The following PCLAF variants were observed in gnomAD, a reference collection of about 807,000 sequenced individuals.
PCLAF encodes PCNA clamp associated factor, also known as PCNA-associated factor.
In PCLAF, 12 loss-of-function variants were observed where a neutral mutation model predicts 15.1. The ratio of observed to expected loss-of-function variants is 0.79; its 90% CI spans 0.51 to 1.29. The LOEUF (loss-of-function observed/expected upper bound fraction) is 1.29. Among genes scored for constraint, PCLAF ranks in the 50% most tolerant of loss-of-function variants. The pLI is 0.00. For synonymous variants in PCLAF, 33 were observed against 47.1 expected (o/e 0.70, Z 1.22); for missense variants, 116 against 130.9 (o/e 0.89, Z 0.56).
At chr15:64,375,213 CT>C (rs1899559218) in intron 3 of PCLAF, among the ~76,000 whole-genome samples, 1 of 152,136 alleles carries the variant, frequency 6.6e-6, no homozygotes, top group South Asian at 2.1e-4. Flanking sequence ...CAACCAACAC[CT>C]TTCAGGTTCA....
intron 3 of PCLAF, among the ~76,000 whole-genome samples, chr15:64,372,724 A>C (rs1319444077): frequency 6.6e-6 from 1 of 151,986 alleles, no homozygotes; most frequent in African/African-American, 2.4e-5. Flanking sequence ...CTGTAATCCC[A>C]GCACTTTGGG....
rs185443113 is a variant in PCLAF at position 64,372,470 on chromosome 15, C to T, written c.290+4273G>A. 5.3e-3 allele frequency among the ~76,000 whole-genome samples: 793 copies of T among 150,790 alleles called. 2 individuals are homozygous for T. Among genetic ancestry groups the T allele is most frequent in the African/African-American group, 5.7e-3 (236 of 41,102 alleles). On this transcript the variant is annotated intron_variant, in intron 3 of 3. Coordinates refer to ENST00000300035, the MANE Select transcript of PCLAF (RefSeq NM_014736.6). ...TCTACTAAAAATACAAAAAATTAGC[C>T]GGGCGTGGCGGCGTGCGCCTGTAGT...
intron 3 of PCLAF, among the ~76,000 whole-genome samples, chr15:64,367,399 A>G (rs1391666833): frequency 6.6e-6 from 1 of 151,460 alleles, no homozygotes; most frequent in Non-Finnish European, 1.5e-5. Flanking sequence ...GCTACTTGGG[A>G]GGCTCAGCCA....
intron 3 of PCLAF, among the ~76,000 whole-genome samples, chr15:64,375,016 C>G (rs1305462064): frequency 1.3e-5 from 2 of 152,068 alleles, no homozygotes; most frequent in African/African-American, 2.4e-5. Flanking sequence ...TACGTACTTA[C>G]AGAGAAGTTG....
chr15:64,387,339 G>A, intron 1 of PCLAF: 2 of 541,130 alleles, frequency 3.7e-6, no homozygotes, highest in Non-Finnish European at 5.0e-6. Flanking sequence ...CCGAGATCAT[G>A]CCACTGCACT....
At chr15:64,378,194 G>C (rs932255759) in intron 2 of PCLAF, among the ~76,000 whole-genome samples, 4 of 152,022 alleles carry the variant, frequency 2.6e-5, no homozygotes, top group Non-Finnish European at 5.9e-5. Context: ...CCAAAGTGCT[G>C]GGATTACAAG....
At chr15:64,379,836 A>G (rs1375696063) in intron 2 of PCLAF, among the ~76,000 whole-genome samples, 1 of 152,020 alleles carries the variant, frequency 6.6e-6, no homozygotes, top group Admixed American at 6.6e-5. Context: ...TTTCACTCCT[A>G]CTCTCCCAAA....
rs1899967711 is a variant in PCLAF at position 64,387,325 on chromosome 15, T to C, written n.241+122A>G. On this transcript the variant is annotated intron_variant and non_coding_transcript_variant, in intron 1 of 1. Transcript: ENST00000558250. ...TGAACCCGGGAGGCGGAGCTTGCAG[T>C]GAGCCGAGATCATGCCACTGCACTC... 4 of 436,068 alleles carry C rather than the reference T, an allele frequency of 9.2e-6. No homozygotes were observed. In the South Asian group the frequency reaches 2.2e-4, roughly 24 times the overall value. The allele number at this position is 436,068 out of a possible 1,614,324, so 27.0% of individuals were successfully genotyped here. A position where few individuals can be genotyped will look rare whatever the true frequency, so the allele number is the denominator to read the frequency against.
intron 3 of PCLAF, among the ~76,000 whole-genome samples, chr15:64,374,372 A>C (rs191871727): frequency 6.6e-6 from 1 of 151,550 alleles, no homozygotes; most frequent in African/African-American, 2.4e-5. Context: ...TCCCATCTCT[A>C]CTAAAAATAC....
At chr15:64,368,062 C>T (rs1899119972) in intron 3 of PCLAF, among the ~76,000 whole-genome samples, 1 of 151,864 alleles carries the variant, frequency 6.6e-6, no homozygotes, top group African/African-American at 2.4e-5. Flanking sequence ...TTATCGTTGG[C>T]CCGGCGCGGT....
chr15:64,369,025 T>C (rs72758931), intron 3 of PCLAF, among the ~76,000 whole-genome samples: 6,788 of 152,246 alleles, frequency 0.045, 195 homozygotes, highest in South Asian at 0.085. Context: ...AAGAAATTTA[T>C]TGGATCAGGA....
rs1346291561 is a variant in PCLAF at position 64,365,479 on chromosome 15, T to G, written c.*551A>C. On this transcript the variant is annotated 3_prime_UTR_variant, in exon 4 of 4. Coordinates refer to ENST00000300035, the MANE Select transcript of PCLAF (RefSeq NM_014736.6). ...GAGGCATTATCAACCGTTTAAACCC[T>G]CAAGACCAAATTATCTTTACATTTT... The G allele has an allele frequency of 6.4e-6, 1 of 155,366 alleles. No individual in the cohort carries two copies. The allele number at this position is 155,366 out of a possible 1,614,324, so 9.6% of individuals were successfully genotyped here. A position where few individuals can be genotyped will look rare whatever the true frequency, so the allele number is the denominator to read the frequency against.
At position 64,380,251 on chromosome 15, in the gene PCLAF, C is replaced by T. The variant is rs371772173; in HGVS notation, c.127+707G>A. 5.7e-4 allele frequency among the ~76,000 whole-genome samples: 86 copies of T among 151,940 alleles called. 1 individual carries two copies. The South Asian group carries it at 0.016, about 29-fold the overall frequency. On this transcript the variant is annotated intron_variant, in intron 2 of 3. Transcript: ENST00000300035. ...CAAAAAAATTAGCTGGGTGTGGTGG[C>T]GTGCACCTGTAATCCCAGCTACTCA...
chr15:64,377,052 G>A (rs1596325899), intron 2 of PCLAF, 147 bp from the exon 3 acceptor site: 1 of 638,382 alleles, frequency 1.6e-6, no homozygotes, highest in Non-Finnish European at 2.6e-6. Flanking sequence ...ATTAGAAAAT[G>A]TGACACAATA....
At chr15:64,387,513 C>T (rs955673848) in exon 1 of PCLAF, 2 of 1,304,820 alleles carry the variant, frequency 1.5e-6, no homozygotes, top group Non-Finnish European at 2.0e-6. Context: ...AAAAGCTGGC[C>T]TCTCAGCTTT....
At chr15:64,373,813 T>C in intron 3 of PCLAF, 8 of 1,524,694 alleles carry the variant, frequency 5.2e-6, no homozygotes, top group Non-Finnish European at 5.3e-6. Context: ...AGGGGCATCA[T>C]AATGGCAGTG....
chr15:64,382,775 G>C (rs555511845), upstream of PCLAF: 92 of 212,918 alleles, frequency 4.3e-4, 1 homozygote, highest in African/African-American at 2.0e-3. Context: ...AGGAGTTCGA[G>C]ACCAGCGTGG....
intron 3 of PCLAF, chr15:64,373,286 T>C (rs1175975887): frequency 6.3e-6 from 1 of 158,272 alleles, no homozygotes; most frequent in Non-Finnish European, 1.4e-5. Flanking sequence ...ACAGATTTAA[T>C]ATTGGCATTT....
chr15:64,367,624 T>C (rs1031627169), intron 3 of PCLAF, among the ~76,000 whole-genome samples: 4 of 151,872 alleles, frequency 2.6e-5, no homozygotes, highest in Non-Finnish European at 4.4e-5. Context: ...CTCAGCTCAC[T>C]GCAACCTCTG....
Sources: allele counts gnomAD v4.1 joint callset (sites outside exome capture counted in the v4.1 genomes callset), GRCh38; gene constraint gnomAD v4.1.1; transcripts MANE v1.5; gene names NCBI Gene and HGNC (gene_info 2026-07-23, HGNC 2026-07-21).